PDE8B: variants seen among roughly 807,000 people sequenced by gnomAD.
PDE8B encodes the protein high affinity cAMP-specific and IBMX-insensitive 3',5'-cyclic phosphodiesterase 8B.
Under a neutral mutation model 101.3 loss-of-function variants are expected in PDE8B, and 26 were observed. The ratio of observed to expected loss-of-function variants is 0.26; its 90% confidence interval spans 0.19 to 0.36. The LOEUF is 0.36. Among genes scored for constraint, PDE8B ranks in the 10% least tolerant of loss-of-function variants. PDE8B has a pLI of 1.00. For missense variants in PDE8B, 810 were observed against 1,163.1 expected (o/e 0.70, Z 4.42); for synonymous variants, 424 against 429.3 (o/e 0.99, Z 0.15).
chr5:77,403,648 A>G (rs1473055933), intron 11 of PDE8B, among the ~76,000 whole-genome samples: 1 of 152,090 alleles, frequency 6.6e-6, no homozygotes, highest in Non-Finnish European at 1.5e-5. Flanking sequence ...GAAAATTACT[A>G]AGGAAGATAA....
chr5:77,412,353 C>T (rs898832374), intron 16 of PDE8B, 118 bp downstream of exon 16: 1 of 985,020 alleles, frequency 1.0e-6, no homozygotes, highest in Non-Finnish European at 1.6e-6. Context: ...GGTTCTGGCT[C>T]TCATGCCATG....
At chr5:77,287,544 G>A (rs1379865093) in intron 1 of PDE8B, among the ~76,000 whole-genome samples, 1 of 145,534 alleles carries the variant, frequency 6.9e-6, no homozygotes, top group Non-Finnish European at 1.5e-5. Context: ...TTCAAATATT[G>A]TTCCTGACGC....
chr5:77,325,529 T>C lies in PDE8B; in HGVS notation c.400-10T>C. On this transcript the variant is annotated splice_polypyrimidine_tract_variant and intron_variant, in intron 2 of 21. Transcript: ENST00000264917. ...ATTTATTTCAAGATGCCCTTTTTGT[T>C]GTGTTTCAGGTTTTGCTGATCTTTG... The C allele has an allele frequency of 6.2e-7, 1 of 1,613,184 alleles. No homozygotes were observed. Among genetic ancestry groups the C allele is most frequent in the Non-Finnish European group, 8.5e-7 (1 of 1,179,122 alleles).
At chr5:77,362,246 T>C (rs559935780) in intron 10 of PDE8B, among the ~76,000 whole-genome samples, 136 of 152,334 alleles carry the variant, frequency 8.9e-4, no homozygotes, top group Non-Finnish European at 1.6e-3. Flanking sequence ...TGTTTGATTT[T>C]CTGGAATTTT....
chr5:77,363,104 G>A (rs929380142), intron 10 of PDE8B, among the ~76,000 whole-genome samples: 2 of 152,182 alleles, frequency 1.3e-5, no homozygotes, highest in African/African-American at 4.8e-5. Context: ...CTTTGTATCT[G>A]TTACTCTCCA....
chr5:77,404,377 C>T (rs1037522078), intron 11 of PDE8B, among the ~76,000 whole-genome samples: 2 of 152,194 alleles, frequency 1.3e-5, no homozygotes, highest in African/African-American at 2.4e-5. Flanking sequence ...ACCCGCCTGC[C>T]TCAGCCTCCC....
chr5:77,263,812 A>C (rs577983702), intron 1 of PDE8B, among the ~76,000 whole-genome samples: 2 of 152,238 alleles, frequency 1.3e-5, no homozygotes, highest in East Asian at 3.9e-4. Context: ...CATACAGTTC[A>C]CCCCTTTAAA....
intron 1 of PDE8B, chr5:77,291,417 A>G (rs879166075): frequency 1.2e-6 from 2 of 1,611,608 alleles, no homozygotes; most frequent in Admixed American, 1.7e-5. Context: ...TGTAGAACCG[A>G]CAATTGTGAC....
intron 10 of PDE8B, among the ~76,000 whole-genome samples, chr5:77,372,694 T>C (rs1421617925): frequency 6.6e-6 from 1 of 152,248 alleles, no homozygotes; most frequent in Non-Finnish European, 1.5e-5. Context: ...GGCTATCAAA[T>C]TTTTTGGCAA....
the PDE8B span, among the ~76,000 whole-genome samples, chr5:77,127,638 T>C: frequency 1.3e-5 from 2 of 152,054 alleles, no homozygotes; most frequent in African/African-American, 4.8e-5. Flanking sequence ...CCAGTTATCA[T>C]GGAGTCAGTT....
chr5:77,170,182 G>A, the PDE8B span, among the ~76,000 whole-genome samples: 3 of 152,170 alleles, frequency 2.0e-5, no homozygotes, highest in African/African-American at 7.2e-5. Context: ...AATGTCTCAG[G>A]TTTTTAAACC....
the PDE8B span, among the ~76,000 whole-genome samples, chr5:77,089,826 A>G: frequency 6.6e-6 from 1 of 152,230 alleles, no homozygotes; most frequent in Non-Finnish European, 1.5e-5. Context: ...AAATCAGTGT[A>G]TCAAAGGGAT....
intron 1 of PDE8B, among the ~76,000 whole-genome samples, chr5:77,273,564 G>C (rs1343858644): frequency 2.0e-5 from 3 of 152,284 alleles, no homozygotes; most frequent in African/African-American, 7.2e-5. Context: ...CTGTAAGAGA[G>C]GCAGGGTAGT....
the PDE8B span, among the ~76,000 whole-genome samples, chr5:77,188,831 G>C: frequency 2.6e-5 from 4 of 152,298 alleles, no homozygotes; most frequent in Non-Finnish European, 5.9e-5. Context: ...AAGGCTTAGA[G>C]AATCAATATC....
At chr5:77,381,268 A>G (rs1379790756) in intron 10 of PDE8B, among the ~76,000 whole-genome samples, 3 of 152,240 alleles carry the variant, frequency 2.0e-5, no homozygotes, top group African/African-American at 7.2e-5. Context: ...TGCCAAGCTC[A>G]GATGAAAGCT....
intron 1 of PDE8B, among the ~76,000 whole-genome samples, chr5:77,233,288 G>T (rs1185886100): frequency 1.3e-5 from 2 of 152,062 alleles, no homozygotes; most frequent in African/African-American, 4.8e-5. Flanking sequence ...ATTGATGAAG[G>T]CCAGTCATAT....
At chr5:77,353,435 T>A (rs1356737306) in intron 10 of PDE8B, 29 bp downstream of exon 10, 1 of 1,386,684 alleles carries the variant, frequency 7.2e-7, no homozygotes, top group East Asian at 2.3e-5. Flanking sequence ...TCGTTTGCTC[T>A]GTCTGTTTGG....
chr5:77,278,842 C>A (rs530149962), intron 1 of PDE8B, among the ~76,000 whole-genome samples: 2 of 152,046 alleles, frequency 1.3e-5, no homozygotes. Flanking sequence ...CAATTTTTTA[C>A]GCTTTTTATC....
the PDE8B span, among the ~76,000 whole-genome samples, chr5:77,101,726 C>T: frequency 6.6e-6 from 1 of 152,038 alleles, no homozygotes; most frequent in Non-Finnish European, 1.5e-5. Flanking sequence ...CAATGCTGGG[C>T]AAAGTATTCA....
Sources: gnomAD v4.1 joint callset for allele counts (sites outside exome capture counted in the v4.1 genomes callset) on GRCh38, gnomAD v4.1.1 for gene constraint, MANE v1.5 for transcripts, NCBI Gene and HGNC (gene_info 2026-07-23, HGNC 2026-07-21) for gene names.